Variants in KIFC3 observed in about 807,000 individuals in gnomAD.
KIFC3 encodes the protein kinesin family member C3.
A neutral mutation model predicts 101.8 loss-of-function variants in KIFC3; 60 were observed. The ratio of observed to expected loss-of-function variants is 0.59; its 90% confidence interval spans 0.48 to 0.73. The LOEUF (loss-of-function observed/expected upper bound fraction) is 0.73, where lower values mean the gene tolerates loss of function less well. KIFC3 is among the 30% of genes least tolerant of loss of function. The probability of loss-of-function intolerance (pLI) is 0.00; values close to 1 mark genes in which losing one functional copy is unlikely to be tolerated. For synonymous variants in KIFC3, 476 were observed against 482.7 expected (o/e 0.99, Z 0.18); for missense variants, 966 against 1,137.1 (o/e 0.85, Z 2.16).
chr16:57,785,772 G>T (rs2053257528), intron 3 of KIFC3: 1 of 626,066 alleles, frequency 1.6e-6, no homozygotes, highest in Non-Finnish European at 2.2e-6. Flanking sequence ...AGAGGTGCAA[G>T]CAGAGGGGGT....
chr16:57,771,498 G>T, intron 5 of KIFC3, 45 bp downstream of exon 5: 3 of 1,609,810 alleles, frequency 1.9e-6, no homozygotes, highest in Non-Finnish European at 2.5e-6. Context: ...AGGAGCTGGG[G>T]TGGCCCTCCA....
intron 1 of KIFC3, among the ~76,000 whole-genome samples, chr16:57,799,744 G>A (rs1440084797): frequency 6.6e-6 from 1 of 152,202 alleles, no homozygotes; most frequent in Non-Finnish European, 1.5e-5. Context: ...ACTGCGGGGT[G>A]GAAAGCTGCA....
At chr16:57,860,097 A>AAAATAAT (rs1264307078) in intron 1 of KIFC3, among the ~76,000 whole-genome samples, 1 of 123,518 alleles carries the variant, frequency 8.1e-6, no homozygotes, top group African/African-American at 2.6e-5. Context: ...TAAAATAAAA[A>AAAATAAT]CAAGTGGGGC....
chr16:57,831,227 TCTG>T (rs2055574455), intron 1 of KIFC3, among the ~76,000 whole-genome samples: 1 of 152,186 alleles, frequency 6.6e-6, no homozygotes. Context: ...GAGAACCACA[TCTG>T]CTCACACCAG....
chr16:57,765,796 G>A (rs891308406), intron 10 of KIFC3, 156 bp from the exon 11 acceptor site: 16 of 632,450 alleles, frequency 2.5e-5, no homozygotes, highest in East Asian at 1.9e-4. Context: ...GCTGTTATCC[G>A]TCATTCACAC....
At chr16:57,814,168 C>A (rs2055161833) in intron 1 of KIFC3, among the ~76,000 whole-genome samples, 1 of 152,166 alleles carries the variant, frequency 6.6e-6, no homozygotes, top group African/African-American at 2.4e-5. Flanking sequence ...CCACAAGGCA[C>A]CCTCTTTCTG....
chr16:57,854,406 T>G (rs2056121995), intron 1 of KIFC3, among the ~76,000 whole-genome samples: 3 of 152,090 alleles, frequency 2.0e-5, no homozygotes, highest in Admixed American at 2.0e-4. Context: ...GGCGGGCAAA[T>G]CACTTCAGGT....
At chr16:57,823,097 C>T (rs185745978) in intron 1 of KIFC3, among the ~76,000 whole-genome samples, 6 of 152,270 alleles carry the variant, frequency 3.9e-5, no homozygotes, top group South Asian at 2.1e-4. Flanking sequence ...ATTCAAAAGT[C>T]GACCAGCATT....
Position 57,765,444 on chromosome 16 carries a change from T to G in KIFC3, c.1512+15A>C. On this transcript the variant is annotated intron_variant, in intron 11 of 19. Coordinates refer to ENST00000445690, the MANE Select transcript of KIFC3 (RefSeq NM_001130100.2). ...TCTCCCTTGCTTTCCCTTTCCCGCA[T>G]GGGGCCACACTCACGTCCTGCTGCG... 6.4e-7 allele frequency: 1 copy of G among 1,561,450 alleles called. No individual in the cohort carries two copies. Among genetic ancestry groups the G allele is most frequent in the Non-Finnish European group, 8.7e-7 (1 of 1,148,812 alleles).
rs2050378997 is a variant in KIFC3, at chr16:57,765,451, A to G, written c.1512+8T>C. 3 of 1,570,212 alleles carry G rather than the reference A, an allele frequency of 1.9e-6. No homozygotes were observed. The East Asian group carries it at 6.9e-5, about 36-fold the overall frequency. On this transcript the variant is annotated splice_region_variant and intron_variant, in intron 11 of 19. Transcript: ENST00000445690. ...TGCTTTCCCTTTCCCGCATGGGGCC[A>G]CACTCACGTCCTGCTGCGAGGCCTG... is the stretch of plus-strand genomic sequence containing the variant.
intron 1 of KIFC3, among the ~76,000 whole-genome samples, chr16:57,848,175 G>A (rs1480334557): frequency 6.6e-6 from 1 of 152,150 alleles, no homozygotes; most frequent in Non-Finnish European, 1.5e-5. Flanking sequence ...GTTATTTTCT[G>A]TCTAATGCCT....
intron 1 of KIFC3, among the ~76,000 whole-genome samples, chr16:57,851,326 A>G (rs1459010226): frequency 6.6e-6 from 1 of 151,682 alleles, no homozygotes; most frequent in Admixed American, 6.6e-5. Flanking sequence ...ATTATTTTTC[A>G]TCTCTCTCTG....
rs1304758817 is a variant in KIFC3, at chr16:57,760,776, G to C, written c.2182C>G (p.Leu728Val). ...TCACCACTAAGCGAATCCTGCAGCA[G>C]GTAGGTGAGCTTGGAGTTGCGGAAG... ...VPFRNSKLTY[L>V]LQDSLSGDSK... The change falls in exon 16 of 20, where the codon CTG (leucine) becomes GTG (valine). Residue 728 changes from leucine to valine, a missense_variant. Physicochemically the swap from Leu to Val is conservative, Grantham distance 32. Transcript: ENST00000445690. 5 of 1,613,906 alleles carry C rather than the reference G, an allele frequency of 3.1e-6. No individual in the cohort carries two copies. The highest frequency in any genetic ancestry group is 4.2e-6 in the Non-Finnish European group (5 of 1,180,014).
At chr16:57,767,095 GAC>G (rs1226072562) in intron 9 of KIFC3, 110 bp from the exon 10 acceptor site, 1 of 766,342 alleles carries the variant, frequency 1.3e-6, no homozygotes, top group South Asian at 1.5e-5. Flanking sequence ...CTGAGTACCT[GAC>G]ACACGCTGTC....
At chr16:57,777,741 A>C (rs2052286605) in intron 3 of KIFC3, among the ~76,000 whole-genome samples, 1 of 152,136 alleles carries the variant, frequency 6.6e-6, no homozygotes, top group African/African-American at 2.4e-5. Context: ...AAAATTAAAA[A>C]AAAAAAAGCT....
chr16:57,839,036 C>G (rs2055752629), intron 1 of KIFC3, among the ~76,000 whole-genome samples: 1 of 152,104 alleles, frequency 6.6e-6, no homozygotes, highest in South Asian at 2.1e-4. Flanking sequence ...TTGAAGAACC[C>G]TTATTTTGAG....
intron 1 of KIFC3, among the ~76,000 whole-genome samples, chr16:57,823,761 T>TGTGTGTG (rs1568088450): frequency 0.014 from 1,877 of 136,708 alleles, 21 homozygotes; most frequent in Non-Finnish European, 0.02. Flanking sequence ...CCCGGCTACT[T>TGTGTGTG]TGTGTGTGTG....
At chr16:57,829,047 A>T (rs1181176537) in intron 1 of KIFC3, among the ~76,000 whole-genome samples, 1 of 152,186 alleles carries the variant, frequency 6.6e-6, no homozygotes, top group Non-Finnish European at 1.5e-5. Context: ...TAGGTACAAT[A>T]GGCACAGTGA....
At chr16:57,788,585 T>C in intron 3 of KIFC3, 1 of 1,288,892 alleles carries the variant, frequency 7.8e-7, no homozygotes, top group South Asian at 1.2e-5. Context: ...CTGTATTCTC[T>C]ACATTCATGG....
Sources: allele counts gnomAD v4.1 joint callset (sites outside exome capture counted in the v4.1 genomes callset), GRCh38; gene constraint gnomAD v4.1.1; transcripts MANE v1.5; gene names NCBI Gene and HGNC (gene_info 2026-07-23, HGNC 2026-07-21).